The following TMPRSS11F variants were observed in gnomAD, a reference collection of about 807,000 sequenced individuals.
TMPRSS11F encodes transmembrane protease serine 11F.
TMPRSS11F carries 47 observed loss-of-function variants against 60.2 expected under a neutral mutation model. The ratio of observed to expected loss-of-function variants is 0.78; its 90% confidence interval spans 0.62 to 1.00. The LOEUF is 1.00. Ranked by LOEUF, TMPRSS11F falls within the 50% of genes least tolerant of loss-of-function variation. The pLI is 0.00. For synonymous variants in TMPRSS11F, 166 were observed against 167.3 expected, an observed-to-expected ratio of 0.99 and a Z score of 0.06; for missense variants, 519 against 522.9, an observed-to-expected ratio of 0.99 and a Z score of 0.07.
chr4:68,095,857 T>G (rs547692107), intron 2 of TMPRSS11F, among the ~76,000 whole-genome samples: 2 of 128,904 alleles, frequency 1.6e-5, no homozygotes, highest in African/African-American at 5.7e-5. Flanking sequence ...GACTGTGCCA[T>G]TGCACTACAG....
chr4:68,116,674 C>A (rs1724526765), intron 1 of TMPRSS11F, among the ~76,000 whole-genome samples: 1 of 151,976 alleles, frequency 6.6e-6, no homozygotes, highest in Non-Finnish European at 1.5e-5. Context: ...GAAGAGAGAG[C>A]CCAGAAATAA....
intron 5 of TMPRSS11F, 84 bp from the exon 6 acceptor site, chr4:68,070,091 A>G: frequency 8.8e-7 from 1 of 1,135,404 alleles, no homozygotes; most frequent in East Asian, 2.5e-5. Context: ...CATTAATAGA[A>G]ATGTGAATTA....
chr4:68,083,496 C>T (rs1374648078), intron 3 of TMPRSS11F, among the ~76,000 whole-genome samples: 1 of 152,090 alleles, frequency 6.6e-6, no homozygotes, highest in Non-Finnish European at 1.5e-5. Context: ...TTAATTATAA[C>T]ACCAACAAAA....
intron 9 of TMPRSS11F, among the ~76,000 whole-genome samples, chr4:68,055,474 G>T (rs1161725518): frequency 2.0e-5 from 3 of 152,170 alleles, no homozygotes; most frequent in Non-Finnish European, 4.4e-5. Flanking sequence ...AAATATTTAA[G>T]AAGGTAAAAC....
intron 3 of TMPRSS11F, among the ~76,000 whole-genome samples, chr4:68,086,560 G>A (rs1175736294): frequency 6.6e-6 from 1 of 151,702 alleles, no homozygotes; most frequent in African/African-American, 2.4e-5. Flanking sequence ...ACAAAAATCT[G>A]TTAAAAAAAG....
chr4:68,113,048 C>T (rs1360705230), intron 1 of TMPRSS11F, among the ~76,000 whole-genome samples: 1 of 152,098 alleles, frequency 6.6e-6, no homozygotes, highest in African/African-American at 2.4e-5. Context: ...AATACACATT[C>T]CCTTACACTG....
intron 1 of TMPRSS11F, among the ~76,000 whole-genome samples, chr4:68,117,423 C>T (rs992907420): frequency 4.4e-5 from 6 of 136,484 alleles, no homozygotes; most frequent in South Asian, 5.0e-4. Context: ...AGCCGAGATC[C>T]GGCCACCGCA....
intron 7 of TMPRSS11F, 141 bp from the exon 8 acceptor site, chr4:68,065,085 AG>A: frequency 1.3e-6 from 1 of 778,822 alleles, no homozygotes; most frequent in Non-Finnish European, 1.9e-6. Flanking sequence ...ATAACATAAT[AG>A]GAAAAAAATT....
At chr4:68,115,580 T>C (rs1046781241) in intron 1 of TMPRSS11F, among the ~76,000 whole-genome samples, 2 of 152,066 alleles carry the variant, frequency 1.3e-5, no homozygotes, top group African/African-American at 4.8e-5. Context: ...ACACACAAGA[T>C]GGCAAGGAAT....
In TMPRSS11F at chr4:68,098,910, A is replaced by G. The variant is rs1724133200; in HGVS notation, c.140T>C (p.Ile47Thr). 6.2e-7 allele frequency: 1 copy of G among 1,612,426 alleles called. No homozygotes were observed. The highest frequency in any genetic ancestry group is 8.5e-7 in the Non-Finnish European group (1 of 1,179,220). Residue 47 changes from isoleucine to threonine, a missense_variant, in exon 2 of 10, where the codon ATT becomes ACT. Ile to Thr is a moderately conservative substitution (Grantham distance 89, BLOSUM62 -1). Transcript: ENST00000356291. ...IVAIIGIAIG[I>T]VTHFVVEDDK... ...ACCCTCAACAACAAAATGAGTAACA[A>G]TACCAATTGCAATTCCTATGATTGC...
At position 68,067,129 on chromosome 4, in the gene TMPRSS11F, AT is replaced by A. The variant is rs200513357; in HGVS notation, c.755+1488del. On this transcript the variant is annotated intron_variant, in intron 7 of 9. Coordinates refer to ENST00000356291, the MANE Select transcript of TMPRSS11F (RefSeq NM_207407.2). ...TTTGGATTATTATTATCAGCATAAA[AT>A]ATGCTATAATGTGTCTCCCATATTT... Among the ~76,000 whole-genome samples the A allele has an allele frequency of 3.4e-3, 522 of 152,242 alleles. 5 individuals are homozygous for A. The highest frequency in any genetic ancestry group is 0.012 in the African/African-American group (511 of 41,558).
At chr4:68,094,149 C>T (rs1455698794) in intron 2 of TMPRSS11F, among the ~76,000 whole-genome samples, 1 of 114,268 alleles carries the variant, frequency 8.8e-6, no homozygotes, top group Non-Finnish European at 1.9e-5. Context: ...GGAACCAACC[C>T]AAATGTCCAA....
chr4:68,107,753 A>G (rs1472425113), intron 1 of TMPRSS11F, among the ~76,000 whole-genome samples: 1 of 152,192 alleles, frequency 6.6e-6, no homozygotes, highest in Non-Finnish European at 1.5e-5. Context: ...CCTGGCCAAC[A>G]TGGTGAAACC....
At position 68,092,076 on chromosome 4, in the gene TMPRSS11F, G is replaced by T. The variant is rs928645547; in HGVS notation, c.164-1435C>A. Among the ~76,000 whole-genome samples, 3 of 152,122 alleles carry T rather than the reference G, an allele frequency of 2.0e-5. No individual in the cohort carries two copies. The East Asian group carries it at 5.8e-4, about 29-fold the overall frequency. On this transcript the variant is annotated intron_variant, in intron 2 of 9. Coordinates refer to ENST00000356291, the MANE Select transcript of TMPRSS11F (RefSeq NM_207407.2). ...GCTGGGATTACAGGTGTGAGCCACC[G>T]CACCTGGCCAGATCTCCAATCTCTT... is the stretch of plus-strand genomic sequence containing the variant.
chr4:68,062,697 A>G (rs371938768), intron 8 of TMPRSS11F: 47 of 749,222 alleles, frequency 6.3e-5, no homozygotes, highest in Non-Finnish European at 1.0e-4. Flanking sequence ...TTATACACAG[A>G]CAGCATGAGT....
chr4:68,084,398 A>T (rs1204930363), intron 3 of TMPRSS11F, among the ~76,000 whole-genome samples: 1 of 152,192 alleles, frequency 6.6e-6, no homozygotes, highest in Non-Finnish European at 1.5e-5. Context: ...CAAAAGAAAA[A>T]AAAATCTTAA....
chr4:68,111,439 G>T (rs147931746), intron 1 of TMPRSS11F, among the ~76,000 whole-genome samples: 1 of 152,224 alleles, frequency 6.6e-6, no homozygotes, highest in African/African-American at 2.4e-5. Flanking sequence ...AACTGTATAT[G>T]CTCTCTATAC....
At chr4:68,078,617 A>G (rs1220691793) in intron 3 of TMPRSS11F, among the ~76,000 whole-genome samples, 1 of 152,242 alleles carries the variant, frequency 6.6e-6, no homozygotes, top group Non-Finnish European at 1.5e-5. Flanking sequence ...GAATTAATGA[A>G]TTAAGAATCA....
rs756818073 is a variant in TMPRSS11F, at chr4:68,059,350, C to T, written c.1134G>A (p.Met378Ile). ...ITPGMLCAGF[M>I]EGKIDACKGD... ...CCTTACATGCATCTATTTTTCCTTC[C>T]ATGAATCCAGCACATAACATTCCTG... The change falls in exon 9 of 10, where the codon ATG becomes ATA. Residue 378 changes from methionine (M) to isoleucine (I), a missense_variant. Transcript: ENST00000356291. 6.2e-7 allele frequency: 1 copy of T among 1,613,536 alleles called. No homozygotes were observed. The highest frequency in any genetic ancestry group is 1.1e-5 in the South Asian group (1 of 91,032).
Sources: allele counts gnomAD v4.1 joint callset (sites outside exome capture counted in the v4.1 genomes callset), GRCh38; gene constraint gnomAD v4.1.1; transcripts MANE v1.5; gene names NCBI Gene and HGNC (gene_info 2026-07-23, HGNC 2026-07-21).